The following GLIS3 variants were observed in gnomAD, a reference collection of about 807,000 sequenced individuals.
GLIS3 encodes GLIS family zinc finger 3, also known as zinc finger protein GLIS3.
GLIS3 carries 53 observed loss-of-function variants against 78.6 expected under a neutral mutation model. That is an observed-to-expected ratio of 0.67 (90% CI 0.54 to 0.85). The LOEUF is 0.85. Among genes scored for constraint, GLIS3 ranks in the 40% least tolerant of loss-of-function variants. The pLI, the probability that GLIS3 is intolerant of heterozygous loss-of-function variation, is 0.00. For missense variants in GLIS3, 1,703 were observed against 1,231.1 expected (o/e 1.38, Z -5.74); for synonymous variants, 684 against 509.9 (o/e 1.34, Z -4.60).
intron 2 of GLIS3, among the ~76,000 whole-genome samples, chr9:4,216,644 C>T (rs1157704119): frequency 6.6e-6 from 1 of 152,146 alleles, no homozygotes; most frequent in Non-Finnish European, 1.5e-5. Context: ...TGATGCATAC[C>T]TAGTTGCTTC....
intron 7 of GLIS3, among the ~76,000 whole-genome samples, chr9:3,897,541 G>A (rs759157892): frequency 6.6e-5 from 10 of 152,122 alleles, no homozygotes; most frequent in Non-Finnish European, 1.3e-4. Context: ...ACCTCTGTAA[G>A]TTTGGTCAAC....
intron 4 of GLIS3, among the ~76,000 whole-genome samples, chr9:3,979,549 G>C: frequency 6.6e-6 from 1 of 152,176 alleles, no homozygotes; most frequent in East Asian, 1.9e-4. Context: ...ATGTGCTTCA[G>C]TTTCTTAATT....
chr9:3,826,387 G>C lies in GLIS3; in HGVS notation c.*1885C>G, dbSNP rs1817726056. 6.6e-6 allele frequency: 1 copy of C among 152,218 alleles called. No individual in the cohort carries two copies. Among genetic ancestry groups the C allele is most frequent in the African/African-American group, 2.4e-5 (1 of 41,460 alleles). The allele number at this position is 152,218 out of a possible 1,614,324, so 9.4% of individuals were successfully genotyped here. A position where few individuals can be genotyped will look rare whatever the true frequency, so the allele number is the denominator to read the frequency against. Reference sequence around the variant, plus strand: ...GTGACACGACCCACAAAGTCTGCAGGAAGGGTGGTACTTTACAAGCAGCCT... The same window carrying C: ...GTGACACGACCCACAAAGTCTGCAGCAAGGGTGGTACTTTACAAGCAGCCT... On this transcript the variant is annotated 3_prime_UTR_variant, in exon 11 of 11. Coordinates refer to ENST00000381971, the MANE Select transcript of GLIS3 (RefSeq NM_001042413.2).
At position 4,054,470 on chromosome 9, in the gene GLIS3, C is replaced by T. The variant is rs77412663; in HGVS notation, c.1710+63298G>A. On this transcript the variant is annotated intron_variant, in intron 4 of 10. Coordinates refer to ENST00000381971, the MANE Select transcript of GLIS3 (RefSeq NM_001042413.2). ...AGGAGGATGTGCTCTGGAGTGAATT[C>T]TTCAGTCAGGGCCTACGGGTTCTGC... The T allele has an allele frequency of 8.1e-4, 798 of 985,384 alleles. 28 individuals carry two copies. The East Asian group carries it at 0.057, about 71-fold the overall frequency. 61.0% of individuals were successfully genotyped at this position (985,384 alleles called of 1,614,324 possible). A position where few individuals can be genotyped will look rare whatever the true frequency, so the allele number is the denominator to read the frequency against.
chr9:4,364,756 CTTTTTT>C, the GLIS3 span, among the ~76,000 whole-genome samples: 2 of 61,100 alleles, frequency 3.3e-5, no homozygotes, highest in East Asian at 6.0e-4. Flanking sequence ...TCATGTATTG[CTTTTTT>C]TTTTTTTTTT....
chr9:4,294,971 T>C (rs1816353364), intron 1 of GLIS3, among the ~76,000 whole-genome samples: 1 of 152,264 alleles, frequency 6.6e-6, no homozygotes, highest in Non-Finnish European at 1.5e-5. Context: ...ACCATAATCA[T>C]GAATCCCATG....
chr9:4,032,437 CTTTT>C (rs546903011), intron 4 of GLIS3, among the ~76,000 whole-genome samples: 1 of 151,542 alleles, frequency 6.6e-6, no homozygotes, highest in African/African-American at 2.4e-5. Context: ...GCATAGAATG[CTTTT>C]TTTTCAAAAT....
At chr9:4,441,003 G>C in the GLIS3 span, among the ~76,000 whole-genome samples, 1 of 151,728 alleles carries the variant, frequency 6.6e-6, no homozygotes, top group South Asian at 2.1e-4. Context: ...TGTTGATTTT[G>C]TATCCTGCAA....
In GLIS3 at chr9:3,936,568, T is replaced by C. The variant is rs139754213; in HGVS notation, c.1872+460A>G. 1.2e-3 allele frequency among the ~76,000 whole-genome samples: 187 copies of C among 152,240 alleles called. 3 individuals carry two copies. Among genetic ancestry groups the C allele is most frequent in the African/African-American group, 4.4e-3 (184 of 41,534 alleles). On this transcript the variant is annotated intron_variant, in intron 5 of 10. Coordinates refer to ENST00000381971, the MANE Select transcript of GLIS3 (RefSeq NM_001042413.2). ...GGGCCAAATTCACTCTTGAAAATCATTCTAGCTGCAAAGTTCTATGTCAAG... is the reference window on the plus strand; with the variant it reads ...GGGCCAAATTCACTCTTGAAAATCACTCTAGCTGCAAAGTTCTATGTCAAG...
At chr9:4,235,197 G>T (rs1215149562) in intron 2 of GLIS3, among the ~76,000 whole-genome samples, 1 of 151,746 alleles carries the variant, frequency 6.6e-6, no homozygotes, top group Non-Finnish European at 1.5e-5. Context: ...TACTCCGGAG[G>T]CTGAGGCAGG....
chr9:4,313,194 G>C (rs1173326289), intron 2 of GLIS3, among the ~76,000 whole-genome samples: 3 of 152,210 alleles, frequency 2.0e-5, no homozygotes, highest in Non-Finnish European at 2.9e-5. Context: ...AGTAGGTGTA[G>C]CTGTCATCAA....
At chr9:4,470,304 A>G in the GLIS3 span, among the ~76,000 whole-genome samples, 1 of 152,228 alleles carries the variant, frequency 6.6e-6, no homozygotes, top group Non-Finnish European at 1.5e-5. Context: ...AAAAAAAAGA[A>G]AGATAATTTT....
At chr9:4,208,497 G>A (rs1382704733) in intron 2 of GLIS3, among the ~76,000 whole-genome samples, 1 of 152,174 alleles carries the variant, frequency 6.6e-6, no homozygotes, top group Admixed American at 6.5e-5. Context: ...TAACATGAGT[G>A]TCTGAAAACA....
chr9:4,217,349 T>G (rs1820945416), intron 2 of GLIS3, among the ~76,000 whole-genome samples: 1 of 152,200 alleles, frequency 6.6e-6, no homozygotes, highest in Admixed American at 6.5e-5. Flanking sequence ...TTTAAAAACT[T>G]GTTTAGTCTT....
At chr9:4,418,201 G>T in the GLIS3 span, among the ~76,000 whole-genome samples, 1 of 152,208 alleles carries the variant, frequency 6.6e-6, no homozygotes, top group Non-Finnish European at 1.5e-5. Flanking sequence ...CTTTGAAGAA[G>T]CTATTCTGAA....
At chr9:4,063,979 G>A (rs1164387390) in intron 4 of GLIS3, among the ~76,000 whole-genome samples, 1 of 152,114 alleles carries the variant, frequency 6.6e-6, no homozygotes, top group African/African-American at 2.4e-5. Flanking sequence ...AAAAGGTCCT[G>A]TTCCAGATGT....
the GLIS3 span, among the ~76,000 whole-genome samples, chr9:4,382,627 C>G: frequency 6.6e-6 from 1 of 152,072 alleles, no homozygotes; most frequent in Admixed American, 6.5e-5. Flanking sequence ...CATCAGAATC[C>G]TCAGAAAAAT....
rs550259616 is a variant in GLIS3 at position 4,318,257 on chromosome 9, G to A, written n.265-7729C>T. Among the ~76,000 whole-genome samples the A allele has an allele frequency of 4.6e-5, 7 of 152,284 alleles. No individual in the cohort carries two copies. In the East Asian group the frequency reaches 1.4e-3, roughly 29 times the overall value. ...TGATGGGAATTCGAGGGGCCAGGAT[G>A]AACCCACAAATTTAAAGAAATGTAT... On this transcript the variant is annotated intron_variant and non_coding_transcript_variant, in intron 2 of 4. Transcript: ENST00000471664.
chr9:4,063,824 T>G (rs1826855932), intron 4 of GLIS3, among the ~76,000 whole-genome samples: 1 of 152,128 alleles, frequency 6.6e-6, no homozygotes, highest in Non-Finnish European at 1.5e-5. Context: ...CACTACCAAC[T>G]AATTAAAAAG....
Sources: gnomAD v4.1 joint callset for allele counts (sites outside exome capture counted in the v4.1 genomes callset) on GRCh38, gnomAD v4.1.1 for gene constraint, MANE v1.5 for transcripts, NCBI Gene and HGNC (gene_info 2026-07-23, HGNC 2026-07-21) for gene names.